The following HYDIN variants were observed in gnomAD, a reference collection of about 807,000 sequenced individuals.
The protein encoded by HYDIN is axonemal central pair apparatus protein HYDIN.
HYDIN carries 132 observed loss-of-function variants against 403.9 expected under a neutral mutation model. The ratio of observed to expected loss-of-function variants is 0.33; its 90% CI spans 0.28 to 0.38. The LOEUF (loss-of-function observed/expected upper bound fraction) is 0.38. Among genes scored for constraint, HYDIN ranks in the 10% least tolerant of loss-of-function variants. The probability of loss-of-function intolerance (pLI) is 1.00; values close to 1 mark genes in which losing one functional copy is unlikely to be tolerated. For missense variants in HYDIN, 2,827 were observed against 5,009.5 expected (o/e 0.56, Z 13.15); for synonymous variants, 1,202 against 1,891.7 (o/e 0.64, Z 9.46).
chr16:70,995,615 A>T (rs2079506953), intron 23 of HYDIN, among the ~76,000 whole-genome samples: 2 of 152,048 alleles, frequency 1.3e-5, no homozygotes, highest in South Asian at 4.2e-4. Flanking sequence ...AACCCTGATG[A>T]ACAAGCTTGT....
intron 38 of HYDIN, among the ~76,000 whole-genome samples, chr16:70,960,803 T>C (rs1344052599): frequency 3.9e-5 from 6 of 152,094 alleles, no homozygotes; most frequent in South Asian, 2.1e-4. Context: ...GTGATTCTCC[T>C]GCCTCAGCCT....
intron 76 of HYDIN, among the ~76,000 whole-genome samples, chr16:70,839,774 C>T (rs1163247365): frequency 6.8e-6 from 1 of 146,658 alleles, no homozygotes; most frequent in Non-Finnish European, 1.5e-5. Flanking sequence ...ACCTCAGTTT[C>T]CAAGTCTATT....
At chr16:71,049,537 A>C (rs2081565742) in intron 18 of HYDIN, among the ~76,000 whole-genome samples, 1 of 152,248 alleles carries the variant, frequency 6.6e-6, no homozygotes, top group Admixed American at 6.5e-5. Flanking sequence ...AGGTGTGAGC[A>C]CTGAGAAGGA....
intron 10 of HYDIN, among the ~76,000 whole-genome samples, chr16:71,112,264 TAC>T (rs1299492442): frequency 6.6e-6 from 1 of 150,830 alleles, no homozygotes; most frequent in Non-Finnish European, 1.5e-5. Flanking sequence ...TATATTTACA[TAC>T]ACACATTATA....
chr16:71,206,639 G>A (rs1186957382), intron 1 of HYDIN, among the ~76,000 whole-genome samples: 1 of 152,182 alleles, frequency 6.6e-6, no homozygotes, highest in African/African-American at 2.4e-5. Context: ...TCAAGATTCA[G>A]GAGAATGTTG....
intron 18 of HYDIN, 107 bp downstream of exon 18, chr16:71,060,397 T>C (rs1248111701): frequency 3.1e-6 from 2 of 647,690 alleles, no homozygotes; most frequent in Non-Finnish European, 5.6e-6. Context: ...TACAACAACA[T>C]AACCATGCAA....
At position 70,850,630 on chromosome 16, in the gene HYDIN, G is replaced by T. The variant is rs537972932; in HGVS notation, c.12469C>A (p.Pro4157Thr). ...AAGTTCACATCTCCTTCCTGCTTTG[G>T]TGTGAAGAAAATATCAATTGGGAAC... ...SRFPIDIFFT[P>T]KQEGDVNFNL... The change falls in exon 74 of 86, where the codon CCA (proline) becomes ACA (threonine). Residue 4157 changes from proline (P) to threonine (T), a missense_variant. By Grantham distance (38) the Pro-to-Thr change is conservative. Transcript: ENST00000393567. 6 of 1,613,940 alleles carry T rather than the reference G, an allele frequency of 3.7e-6. No individual in the cohort carries two copies. Among genetic ancestry groups the T allele is most frequent in the South Asian group, 3.3e-5 (3 of 91,072 alleles).
At chr16:71,099,874 G>A (rs2083402773) in intron 10 of HYDIN, among the ~76,000 whole-genome samples, 1 of 152,082 alleles carries the variant, frequency 6.6e-6, no homozygotes, top group Admixed American at 6.5e-5. Context: ...ATCATGGAGT[G>A]AGCCTGTAGT....
At chr16:70,866,387 C>G (rs1458313639) in intron 66 of HYDIN, 58 bp from the exon 67 acceptor site, 3 of 859,380 alleles carry the variant, frequency 3.5e-6, no homozygotes, top group Non-Finnish European at 5.5e-6. Context: ...GAAAAACTGA[C>G]AATGGAATAG....
intron 1 of HYDIN, among the ~76,000 whole-genome samples, chr16:71,194,519 C>T (rs1449097523): frequency 6.6e-6 from 1 of 152,198 alleles, no homozygotes; most frequent in African/African-American, 2.4e-5. Context: ...TTGGGGTCAT[C>T]AGACCTAGGT....
intron 75 of HYDIN, among the ~76,000 whole-genome samples, chr16:70,849,152 G>T (rs1045480124): frequency 2.0e-5 from 3 of 152,044 alleles, no homozygotes; most frequent in Non-Finnish European, 4.4e-5. Flanking sequence ...TTGCCAAATT[G>T]TTGGTTTTCA....
intron 1 of HYDIN, among the ~76,000 whole-genome samples, chr16:71,208,463 T>C (rs1164669232): frequency 6.6e-6 from 1 of 151,960 alleles, no homozygotes; most frequent in African/African-American, 2.4e-5. Flanking sequence ...GTTAGAAAGA[T>C]CTCAAATTAA....
chr16:71,148,383 G>A (rs1446355103), intron 7 of HYDIN, among the ~76,000 whole-genome samples: 2 of 152,206 alleles, frequency 1.3e-5, no homozygotes, highest in Non-Finnish European at 2.9e-5. Context: ...TGTCTAGCCT[G>A]TGGAAGAAAG....
chr16:71,089,438 C>A (rs2083039614), intron 11 of HYDIN, among the ~76,000 whole-genome samples: 1 of 151,304 alleles, frequency 6.6e-6, no homozygotes, highest in South Asian at 2.1e-4. Context: ...TAGGAACCAC[C>A]CTCAACCTAC....
At chr16:71,021,379 G>A (rs1345724378) in intron 21 of HYDIN, among the ~76,000 whole-genome samples, 2 of 151,596 alleles carry the variant, frequency 1.3e-5, no homozygotes, top group African/African-American at 2.4e-5. Flanking sequence ...ACCATGCCCA[G>A]CTAATTTTTG....
At chr16:71,210,135 T>A (rs907719051) in intron 1 of HYDIN, among the ~76,000 whole-genome samples, 1 of 152,128 alleles carries the variant, frequency 6.6e-6, no homozygotes, top group Admixed American at 6.5e-5. Context: ...GAACTACCAT[T>A]CAACCTAGCA....
At position 70,833,877 on chromosome 16, in the gene HYDIN, G is replaced by A. The variant is rs369579945; in HGVS notation, c.13679+10C>T. 5.0e-6 allele frequency: 8 copies of A among 1,604,240 alleles called. No homozygotes were observed. The highest frequency in any genetic ancestry group is 6.8e-6 in the Non-Finnish European group (8 of 1,176,426). On this transcript the variant is annotated intron_variant, in intron 79 of 85. Transcript: ENST00000393567. ...GGGCAGCCTCAGGGTGGGAGACACTGCTCCCTTACCTTGCACCCACATCGC... is the reference window on the plus strand; with the variant it reads ...GGGCAGCCTCAGGGTGGGAGACACTACTCCCTTACCTTGCACCCACATCGC...
At chr16:71,192,272 A>G (rs2087473955) in intron 1 of HYDIN, among the ~76,000 whole-genome samples, 1 of 151,984 alleles carries the variant, frequency 6.6e-6, no homozygotes, top group Non-Finnish European at 1.5e-5. Flanking sequence ...TCCTTCGTTA[A>G]TGTCACTACC....
At chr16:70,910,185 C>A (rs538261187) in intron 47 of HYDIN, among the ~76,000 whole-genome samples, 175 of 152,228 alleles carry the variant, frequency 1.1e-3, no homozygotes, top group Admixed American at 1.8e-3. Context: ...GTGCACCCAT[C>A]ACCCGAGCAG....
Sources: allele counts gnomAD v4.1 joint callset (sites outside exome capture counted in the v4.1 genomes callset), GRCh38; gene constraint gnomAD v4.1.1; transcripts MANE v1.5; gene names NCBI Gene and HGNC (gene_info 2026-07-23, HGNC 2026-07-21).